Variants in PTPRM observed in about 807,000 individuals in gnomAD.
The protein encoded by PTPRM is protein tyrosine phosphatase receptor type M, also known as receptor-type tyrosine-protein phosphatase mu.
A neutral mutation model predicts 186.7 loss-of-function variants in PTPRM; 47 were observed. That is an observed-to-expected ratio of 0.25 (90% CI 0.20 to 0.32). The LOEUF (loss-of-function observed/expected upper bound fraction) is 0.32, where lower values mean the gene tolerates loss of function less well. Ranked by LOEUF, PTPRM falls within the 10% of genes least tolerant of loss-of-function variation. PTPRM has a pLI of 1.00. For missense variants in PTPRM, 1,494 were observed against 1,865.0 expected, an observed-to-expected ratio of 0.80 and a Z score of 3.66; for synonymous variants, 668 against 674.9, an observed-to-expected ratio of 0.99 and a Z score of 0.16.
At chr18:8,256,355 G>C (rs893566776) in intron 19 of PTPRM, among the ~76,000 whole-genome samples, 4 of 152,172 alleles carry the variant, frequency 2.6e-5, no homozygotes, top group African/African-American at 9.7e-5. Flanking sequence ...CTGGGCCTCA[G>C]TTTCCAAATC....
chr18:7,648,302 G>A (rs2038613642), intron 1 of PTPRM, among the ~76,000 whole-genome samples: 1 of 152,044 alleles, frequency 6.6e-6, no homozygotes, highest in East Asian at 1.9e-4. Context: ...CTTTCCTTGG[G>A]CCTCCCTCTT....
chr18:8,042,735 C>G (rs960160663), intron 7 of PTPRM, among the ~76,000 whole-genome samples: 1 of 152,056 alleles, frequency 6.6e-6, no homozygotes, highest in African/African-American at 2.4e-5. Context: ...CCCATTGTCC[C>G]CTGTCCTGGC....
At chr18:8,171,520 T>C (rs2093400786) in intron 14 of PTPRM, among the ~76,000 whole-genome samples, 1 of 152,308 alleles carries the variant, frequency 6.6e-6, no homozygotes, top group Admixed American at 6.5e-5. Flanking sequence ...AATTGTGTCC[T>C]TAGTGAAAGA....
intron 7 of PTPRM, among the ~76,000 whole-genome samples, chr18:8,047,568 G>A (rs1317660705): frequency 1.3e-5 from 2 of 152,138 alleles, no homozygotes; most frequent in Non-Finnish European, 2.9e-5. Flanking sequence ...CAGTATATGT[G>A]TGTACATGTT....
intron 14 of PTPRM, among the ~76,000 whole-genome samples, chr18:8,207,275 A>G (rs796300335): frequency 2.0e-5 from 3 of 152,358 alleles, no homozygotes; most frequent in African/African-American, 7.2e-5. Context: ...AGAAATTGGT[A>G]CAGTTTTGTG....
chr18:8,079,095 C>T (rs1427314693), intron 9 of PTPRM, among the ~76,000 whole-genome samples: 4 of 140,236 alleles, frequency 2.9e-5, no homozygotes, highest in Non-Finnish European at 3.3e-5. Context: ...TGATCAAAAA[C>T]GGCTGACAGC....
intron 31 of PTPRM, 111 bp from the exon 32 acceptor site, chr18:8,394,365 G>C: frequency 8.0e-7 from 1 of 1,245,314 alleles, no homozygotes; most frequent in Non-Finnish European, 1.1e-6. Context: ...CGGCCTCAGA[G>C]CCCTTTGTTG....
intron 23 of PTPRM, among the ~76,000 whole-genome samples, chr18:8,346,806 T>C (rs2095507708): frequency 3.1e-4 from 2 of 6,550 alleles, no homozygotes; most frequent in South Asian, 4.2e-3. Context: ...TTAATGACTA[T>C]TGAAAAAAAA....
chr18:8,322,797 C>A (rs2095353822), intron 22 of PTPRM, among the ~76,000 whole-genome samples: 1 of 151,918 alleles, frequency 6.6e-6, no homozygotes, highest in Non-Finnish European at 1.5e-5. Flanking sequence ...CCATGGGGGC[C>A]CTGGATAAGT....
At chr18:8,277,438 G>A (rs1383742213) in intron 19 of PTPRM, among the ~76,000 whole-genome samples, 1 of 152,210 alleles carries the variant, frequency 6.6e-6, no homozygotes, top group Non-Finnish European at 1.5e-5. Context: ...GCACTGGAGA[G>A]GCACTGCAGG....
At chr18:7,755,645 A>G (rs1340617381) in intron 1 of PTPRM, among the ~76,000 whole-genome samples, 1 of 152,340 alleles carries the variant, frequency 6.6e-6, no homozygotes, top group African/African-American at 2.4e-5. Flanking sequence ...ATCTGCCCTC[A>G]TTTCTTGGTT....
At chr18:8,130,661 A>G (rs928135237) in intron 13 of PTPRM, among the ~76,000 whole-genome samples, 3 of 152,102 alleles carry the variant, frequency 2.0e-5, no homozygotes, top group Non-Finnish European at 4.4e-5. Context: ...ACTCCAGATC[A>G]TTTTCAAACC....
At chr18:7,634,431 A>G (rs2038265612) in intron 1 of PTPRM, among the ~76,000 whole-genome samples, 1 of 152,142 alleles carries the variant, frequency 6.6e-6, no homozygotes, top group Non-Finnish European at 1.5e-5. Context: ...CCCTAGCTAC[A>G]CCCAGTTATA....
At chr18:7,723,912 C>A (rs1202469099) in intron 1 of PTPRM, among the ~76,000 whole-genome samples, 1 of 152,168 alleles carries the variant, frequency 6.6e-6, no homozygotes, top group Non-Finnish European at 1.5e-5. Context: ...GCTTCTGAAG[C>A]TTCCTTACAA....
intron 7 of PTPRM, among the ~76,000 whole-genome samples, chr18:8,009,780 T>C (rs9963151): frequency 0.024 from 3,712 of 152,290 alleles, 137 homozygotes; most frequent in African/African-American, 0.085. Context: ...ATGTAAAATG[T>C]GTCAGTTGGA....
chr18:8,011,508 A>AT (rs995915725), intron 7 of PTPRM, among the ~76,000 whole-genome samples: 2 of 152,058 alleles, frequency 1.3e-5, no homozygotes, highest in Non-Finnish European at 2.9e-5. Context: ...ATATTTGATC[A>AT]TTTTTACTTC....
intron 19 of PTPRM, among the ~76,000 whole-genome samples, chr18:8,286,318 G>A (rs966081574): frequency 1.3e-5 from 2 of 152,204 alleles, no homozygotes; most frequent in Non-Finnish European, 2.9e-5. Flanking sequence ...CCTACTGTAA[G>A]ATGATGATCT....
chr18:7,925,648 A>G (rs1038346848), intron 4 of PTPRM, among the ~76,000 whole-genome samples: 3 of 152,144 alleles, frequency 2.0e-5, no homozygotes, highest in African/African-American at 7.2e-5. Context: ...TCTCTCCCAG[A>G]AAGTATGATC....
At chr18:7,598,855 A>G (rs1407751325) in intron 1 of PTPRM, among the ~76,000 whole-genome samples, 1 of 151,532 alleles carries the variant, frequency 6.6e-6, no homozygotes, top group Non-Finnish European at 1.5e-5. Context: ...AGCCAATTTA[A>G]GGTGATTCAT....
Sources: allele counts gnomAD v4.1 joint callset (sites outside exome capture counted in the v4.1 genomes callset), GRCh38; gene constraint gnomAD v4.1.1; transcripts MANE v1.5; gene names NCBI Gene and HGNC (gene_info 2026-07-23, HGNC 2026-07-21).